SNX29: variants seen among roughly 807,000 people sequenced by gnomAD.
The protein encoded by SNX29 is sorting nexin-29.
Under a neutral mutation model 102.1 loss-of-function variants are expected in SNX29, and 78 were observed. The ratio of observed to expected loss-of-function variants is 0.76; its 90% CI spans 0.64 to 0.92. The LOEUF (loss-of-function observed/expected upper bound fraction) is 0.92. Ranked by LOEUF, SNX29 falls within the 40% of genes least tolerant of loss-of-function variation. The pLI is 0.00. For synonymous variants in SNX29, 580 were observed against 414.5 expected, an observed-to-expected ratio of 1.40 and a Z score of -4.85; for missense variants, 1,280 against 1,061.7, an observed-to-expected ratio of 1.21 and a Z score of -2.86.
At chr16:11,993,838 A>G (rs1420212772) in intron 1 of SNX29, among the ~76,000 whole-genome samples, 1 of 152,188 alleles carries the variant, frequency 6.6e-6, no homozygotes, top group African/African-American at 2.4e-5. Context: ...TTGAAGACAA[A>G]GGCCGGGCGC....
At chr16:12,466,676 C>G (rs1338697718) in intron 18 of SNX29, among the ~76,000 whole-genome samples, 1 of 152,164 alleles carries the variant, frequency 6.6e-6, no homozygotes, top group African/African-American at 2.4e-5. Context: ...AGCCATGAAC[C>G]AAAGCATGGA....
chr16:12,290,629 G>C (rs570799205), intron 15 of SNX29, among the ~76,000 whole-genome samples: 1 of 152,178 alleles, frequency 6.6e-6, no homozygotes, highest in Non-Finnish European at 1.5e-5. Flanking sequence ...AGCTGTCTGT[G>C]ACAAAGACTG....
At chr16:12,035,371 C>T (rs1567549421) in intron 4 of SNX29, among the ~76,000 whole-genome samples, 1 of 152,066 alleles carries the variant, frequency 6.6e-6, no homozygotes, top group Non-Finnish European at 1.5e-5. Flanking sequence ...GCCACCATGC[C>T]TGGTTAATTT....
At position 12,571,400 on chromosome 16, in the gene SNX29, G is replaced by C. The variant is rs1193926891; in HGVS notation, c.*2771G>C. ...GACACCCCTGAGGAAAGGATTGCTT[G>C]CACCTCACATCTGTCTTCTTCTAAG... On this transcript the variant is annotated 3_prime_UTR_variant, in exon 21 of 21. Transcript: ENST00000566228. 8.6e-6 allele frequency: 2 copies of C among 231,792 alleles called. No homozygotes were observed. The highest frequency in any genetic ancestry group is 4.4e-5 in the African/African-American group (2 of 45,204). The allele number at this position is 231,792 out of a possible 1,614,324, so 14.4% of individuals were successfully genotyped here. A position where few individuals can be genotyped will look rare whatever the true frequency, so the allele number is the denominator to read the frequency against.
intron 19 of SNX29, among the ~76,000 whole-genome samples, chr16:12,493,601 G>T (rs1354877225): frequency 6.6e-6 from 1 of 152,130 alleles, no homozygotes; most frequent in Non-Finnish European, 1.5e-5. Context: ...AGAGGGCGTT[G>T]TTGTTGTTTT....
At chr16:12,328,482 T>G (rs1440020902) in intron 15 of SNX29, among the ~76,000 whole-genome samples, 1 of 152,184 alleles carries the variant, frequency 6.6e-6, no homozygotes, top group Non-Finnish European at 1.5e-5. Context: ...CTATGACCTC[T>G]GCCCCAAAGC....
At chr16:12,192,284 G>T (rs1296281343) in intron 13 of SNX29, among the ~76,000 whole-genome samples, 1 of 152,178 alleles carries the variant, frequency 6.6e-6, no homozygotes, top group Admixed American at 6.5e-5. Context: ...TTGGGGCTGG[G>T]AGTGGGAAGG....
At chr16:12,336,632 ATGGAACAT>A (rs1313816549) in intron 15 of SNX29, among the ~76,000 whole-genome samples, 1 of 152,196 alleles carries the variant, frequency 6.6e-6, no homozygotes. Flanking sequence ...CATTTTAGAG[ATGGAACAT>A]CAAGGTATGA....
intron 14 of SNX29, among the ~76,000 whole-genome samples, chr16:12,239,074 C>T (rs895044001): frequency 2.6e-5 from 4 of 152,198 alleles, no homozygotes; most frequent in Admixed American, 6.5e-5. Flanking sequence ...AGAACTTAGT[C>T]GGTGGCACCA....
chr16:12,466,886 A>G (rs572282218), intron 18 of SNX29, among the ~76,000 whole-genome samples: 1 of 152,152 alleles, frequency 6.6e-6, no homozygotes, highest in Admixed American at 6.5e-5. Context: ...AACAGAGGCC[A>G]TTTGCATCTT....
At chr16:12,277,884 A>G (rs943911291) in intron 14 of SNX29, 49 bp from the exon 15 acceptor site, 1 of 1,511,402 alleles carries the variant, frequency 6.6e-7, no homozygotes, top group Admixed American at 2.0e-5. Context: ...TGGGAGAATA[A>G]TTTTCGATAC....
rs947366822 is a variant in SNX29 at position 12,571,641 on chromosome 16, G to C, written c.*3012G>C. On this transcript the variant is annotated 3_prime_UTR_variant, in exon 21 of 21. Transcript: ENST00000566228. ...TCACATCTTTTTTTCTCCCCCAGAT[G>C]AAAGACGACTCAGGAACGGTAGGGC... 3 of 1,059,036 alleles carry C rather than the reference G, an allele frequency of 2.8e-6. No individual in the cohort carries two copies. The highest frequency in any genetic ancestry group is 3.4e-6 in the Non-Finnish European group (3 of 875,448). 65.6% of individuals were successfully genotyped at this position (1,059,036 alleles called of 1,614,324 possible).
intron 15 of SNX29, among the ~76,000 whole-genome samples, chr16:12,321,981 A>G (rs2080949446): frequency 6.6e-6 from 1 of 152,150 alleles, no homozygotes; most frequent in African/African-American, 2.4e-5. Context: ...GTCGTGGTTC[A>G]CGTGATGGTG....
chr16:12,360,058 G>A (rs12102400), intron 16 of SNX29, among the ~76,000 whole-genome samples: 76,324 of 152,012 alleles, frequency 0.5, 19,790 homozygotes, highest in Non-Finnish European at 0.59. Context: ...TCCTGATCTC[G>A]AGTGATCTGC....
rs1307290990 is a variant in SNX29 at position 12,071,006 on chromosome 16, T to G, written c.1319+1874T>G. ...GTGTCTGTTCATATCCTTTGCCCAC[T>G]TTTTGATGGGGTTGTTTTTTTCTTG... On this transcript the variant is annotated intron_variant, in intron 10 of 20. Coordinates refer to ENST00000566228, the MANE Select transcript of SNX29 (RefSeq NM_032167.5). 2.6e-5 allele frequency among the ~76,000 whole-genome samples: 4 copies of G among 152,068 alleles called. No individual in the cohort carries two copies. The East Asian group carries it at 5.8e-4, about 22-fold the overall frequency.
intron 1 of SNX29, among the ~76,000 whole-genome samples, chr16:11,996,534 A>G (rs1041000421): frequency 3.3e-5 from 5 of 152,206 alleles, no homozygotes; most frequent in African/African-American, 4.8e-5. Flanking sequence ...CTGATTTGTT[A>G]TTATTCTATT....
intron 16 of SNX29, among the ~76,000 whole-genome samples, chr16:12,393,552 A>G (rs2083615149): frequency 6.6e-6 from 1 of 152,132 alleles, no homozygotes; most frequent in South Asian, 2.1e-4. Flanking sequence ...GAGGGTTCCA[A>G]TCCACAGATA....
chr16:12,089,576 A>G (rs1204175901), intron 11 of SNX29, among the ~76,000 whole-genome samples: 1 of 152,162 alleles, frequency 6.6e-6, no homozygotes, highest in Non-Finnish European at 1.5e-5. Context: ...CTCAGATGTC[A>G]GCGGGGCTGA....
chr16:12,149,121 C>A (rs368643723), intron 13 of SNX29, among the ~76,000 whole-genome samples: 15 of 152,286 alleles, frequency 9.8e-5, no homozygotes, highest in African/African-American at 3.1e-4. Flanking sequence ...TCAGTTACTT[C>A]TAAGTTGTTG....
Sources: allele counts gnomAD v4.1 joint callset (sites outside exome capture counted in the v4.1 genomes callset), GRCh38; gene constraint gnomAD v4.1.1; transcripts MANE v1.5; gene names NCBI Gene and HGNC (gene_info 2026-07-23, HGNC 2026-07-21).